Variants in FNBP1L observed in about 807,000 individuals in gnomAD.
FNBP1L encodes formin binding protein 1 like.
In FNBP1L, 36 loss-of-function variants were observed where a neutral mutation model predicts 91.2. That is an observed-to-expected ratio of 0.39 (90% CI 0.30 to 0.52). The LOEUF is 0.52. Among genes scored for constraint, FNBP1L ranks in the 20% least tolerant of loss-of-function variants. The probability of loss-of-function intolerance (pLI) is 0.66; values close to 1 mark genes in which losing one functional copy is unlikely to be tolerated. For synonymous variants in FNBP1L, 242 were observed against 237.0 expected, an observed-to-expected ratio of 1.02 and a Z score of -0.19; for missense variants, 571 against 732.1, an observed-to-expected ratio of 0.78 and a Z score of 2.54.
At chr1:93,466,519 T>C (rs1256627739) in intron 1 of FNBP1L, among the ~76,000 whole-genome samples, 2 of 152,136 alleles carry the variant, frequency 1.3e-5, no homozygotes, top group Non-Finnish European at 2.9e-5. Flanking sequence ...TGCAGATGTG[T>C]GGTGTTATTT....
At chr1:93,473,777 G>T (rs576723665) in intron 1 of FNBP1L, among the ~76,000 whole-genome samples, 1 of 152,332 alleles carries the variant, frequency 6.6e-6, no homozygotes, top group South Asian at 2.1e-4. Flanking sequence ...GGTCTGTGGA[G>T]CCAGCAGTGG....
chr1:93,533,120 G>A (rs1386160748), intron 8 of FNBP1L, 52 bp downstream of exon 8: 1 of 1,521,580 alleles, frequency 6.6e-7, no homozygotes, highest in East Asian at 2.3e-5. Flanking sequence ...TAGGTGTGCA[G>A]TTTAAGTTAG....
chr1:93,499,794 A>G (rs1320190710), intron 2 of FNBP1L, among the ~76,000 whole-genome samples: 1 of 152,220 alleles, frequency 6.6e-6, no homozygotes, highest in Non-Finnish European at 1.5e-5. Context: ...AATAGCTTTC[A>G]TTCCAGAAAG....
At chr1:93,490,098 T>C (rs1308412444) in intron 1 of FNBP1L, among the ~76,000 whole-genome samples, 1 of 152,234 alleles carries the variant, frequency 6.6e-6, no homozygotes, top group African/African-American at 2.4e-5. Flanking sequence ...GATGCAAGGC[T>C]GTATCAAAGT....
At position 93,482,052 on chromosome 1, in the gene FNBP1L, C is replaced by T. The variant is rs140312588; in HGVS notation, c.25-17416C>T. On this transcript the variant is annotated intron_variant, in intron 1 of 16. Transcript: ENST00000271234. ...GCGTGTACCTGTAGTCCCAGCTACT[C>T]GGGGGGCTGAGGTGGGAGGAGGATC... Among the ~76,000 whole-genome samples, 198 of 151,994 alleles carry T rather than the reference C, an allele frequency of 1.3e-3. 3 individuals carry two copies. Among genetic ancestry groups the T allele is most frequent in the African/African-American group, 4.3e-3 (179 of 41,456 alleles).
chr1:93,530,997 G>T (rs1044688419), intron 7 of FNBP1L, 114 bp downstream of exon 7: 44 of 825,826 alleles, frequency 5.3e-5, no homozygotes, highest in Non-Finnish European at 7.2e-5. Context: ...CAGGGTTGGG[G>T]TGAGAGATTC....
intron 7 of FNBP1L, among the ~76,000 whole-genome samples, chr1:93,532,615 G>C (rs1005026951): frequency 6.6e-6 from 1 of 151,964 alleles, no homozygotes; most frequent in Admixed American, 6.6e-5. Context: ...ATAGTAAAAG[G>C]TGGGAGTGCT....
At position 93,482,997 on chromosome 1, in the gene FNBP1L, G is replaced by A. The variant is rs1410336357; in HGVS notation, c.25-16471G>A. Among the ~76,000 whole-genome samples the A allele has an allele frequency of 2.7e-5, 4 of 147,140 alleles. No individual in the cohort carries two copies. The South Asian group carries it at 6.5e-4, about 24-fold the overall frequency. On this transcript the variant is annotated intron_variant, in intron 1 of 16. Transcript: ENST00000271234. ...CGTGCCACTGCAGTCCAGCCTGGAC[G>A]ACAGAGCAAGACTCCGTCTAAAAAA...
intron 1 of FNBP1L, among the ~76,000 whole-genome samples, chr1:93,470,229 C>G (rs1669239493): frequency 6.6e-6 from 1 of 152,112 alleles, no homozygotes. Flanking sequence ...CTCCTGGGCT[C>G]AAGTGAGCAT....
At chr1:93,512,745 C>T (rs1670906390) in intron 2 of FNBP1L, among the ~76,000 whole-genome samples, 4 of 151,826 alleles carry the variant, frequency 2.6e-5, no homozygotes, top group South Asian at 2.1e-4. Flanking sequence ...ACACAACATA[C>T]CAGAGTCTCT....
At chr1:93,472,166 G>A (rs1019620131) in intron 1 of FNBP1L, among the ~76,000 whole-genome samples, 22 of 152,144 alleles carry the variant, frequency 1.4e-4, no homozygotes, top group African/African-American at 5.3e-4. Flanking sequence ...ACAGTACCAA[G>A]GTTTGAGAAC....
chr1:93,490,545 G>C (rs1670060087), intron 1 of FNBP1L, among the ~76,000 whole-genome samples: 1 of 152,154 alleles, frequency 6.6e-6, no homozygotes, highest in African/African-American at 2.4e-5. Flanking sequence ...GGAAAAGGAA[G>C]TGAGAGGATA....
intron 11 of FNBP1L, chr1:93,543,843 A>G (rs1672126207): frequency 4.4e-6 from 1 of 229,348 alleles, no homozygotes; most frequent in Non-Finnish European, 8.7e-6. Context: ...AGTTATCTGT[A>G]TCTGGGTATG....
intron 2 of FNBP1L, among the ~76,000 whole-genome samples, chr1:93,516,128 C>T (rs1671098301): frequency 6.6e-6 from 1 of 151,982 alleles, no homozygotes; most frequent in Non-Finnish European, 1.5e-5. Flanking sequence ...AATAGCCTTT[C>T]AGTGTATCTG....
chr1:93,534,928 T>C lies in FNBP1L; in HGVS notation c.990+20T>C, dbSNP rs769511126. On this transcript the variant is annotated intron_variant, in intron 9 of 16. Coordinates refer to ENST00000271234, the MANE Select transcript of FNBP1L (RefSeq NM_001164473.3). The stretch of plus-strand genomic sequence containing the variant: ...CCAAAGGTAAAAGTCATAAAATTCC[T>C]ATATGCTAATCAGTTTAAGTGTACC... 4 of 1,550,578 alleles carry C rather than the reference T, an allele frequency of 2.6e-6. No individual in the cohort carries two copies. In the African/African-American group the frequency reaches 5.5e-5, roughly 21 times the overall value.
In FNBP1L at chr1:93,482,272, C is replaced by T. The variant is rs144171977; in HGVS notation, c.25-17196C>T. Among the ~76,000 whole-genome samples, 1,076 of 152,226 alleles carry T rather than the reference C, an allele frequency of 7.1e-3. 5 individuals are homozygous for T. Among genetic ancestry groups the T allele is most frequent in the Non-Finnish European group, 0.011 (717 of 68,006 alleles). On this transcript the variant is annotated intron_variant, in intron 1 of 16. Coordinates refer to ENST00000271234, the MANE Select transcript of FNBP1L (RefSeq NM_001164473.3). The stretch of plus-strand genomic sequence containing the variant: ...TCATTTCTTCTTAGCTGCTAAACTT[C>T]GTCTATGTGTGTACTTTTCTCCTAG...
intron 2 of FNBP1L, among the ~76,000 whole-genome samples, chr1:93,512,842 C>CT (rs1201889631): frequency 6.6e-6 from 1 of 151,984 alleles, no homozygotes; most frequent in Non-Finnish European, 1.5e-5. Flanking sequence ...AATTGACACT[C>CT]TAACATCACA....
At chr1:93,456,323 G>A (rs1300281770) in intron 1 of FNBP1L, among the ~76,000 whole-genome samples, 1 of 152,116 alleles carries the variant, frequency 6.6e-6, no homozygotes, top group Non-Finnish European at 1.5e-5. Flanking sequence ...CATGAAAGAC[G>A]GGAAATACTA....
At chr1:93,542,833 G>A (rs945513026) in intron 11 of FNBP1L, among the ~76,000 whole-genome samples, 2 of 146,474 alleles carry the variant, frequency 1.4e-5, no homozygotes, top group Non-Finnish European at 3.0e-5. Context: ...GCCCAGCCTG[G>A]AGTGCAATGG....
Sources: allele counts gnomAD v4.1 joint callset (sites outside exome capture counted in the v4.1 genomes callset), GRCh38; gene constraint gnomAD v4.1.1; transcripts MANE v1.5; gene names NCBI Gene and HGNC (gene_info 2026-07-23, HGNC 2026-07-21).